The following PXK variants were observed in gnomAD, a reference collection of about 807,000 sequenced individuals.
PXK encodes the protein PX domain containing serine/threonine kinase like.
Under a neutral mutation model 84.7 loss-of-function variants are expected in PXK, and 35 were observed. The observed-to-expected ratio is 0.41, with a 90% confidence interval of 0.32 to 0.55. The LOEUF (loss-of-function observed/expected upper bound fraction) is 0.55, where lower values mean the gene tolerates loss of function less well. PXK is among the 20% of genes least tolerant of loss of function. The pLI is 0.21. For missense variants in PXK, 634 were observed against 699.7 expected, an observed-to-expected ratio of 0.91 and a Z score of 1.06; for synonymous variants, 253 against 260.8, an observed-to-expected ratio of 0.97 and a Z score of 0.29.
intron 1 of PXK, among the ~76,000 whole-genome samples, chr3:58,351,395 T>TTGTGTGTGTGTGTGTGTG (rs57349140): frequency 1.6e-4 from 22 of 140,686 alleles, no homozygotes; most frequent in Middle Eastern, 3.5e-3. Context: ...AGCTAGCTAT[T>TTGTGTGTGTGTGTGTGTG]TGTGTGTGTG....
At position 58,397,242 on chromosome 3, in the gene PXK, T is replaced by G. The variant is rs1576535457; in HGVS notation, c.984+42T>G. The G allele has an allele frequency of 1.3e-6, 2 of 1,591,076 alleles. No homozygotes were observed. The highest frequency in any genetic ancestry group is 1.1e-5 in the South Asian group (1 of 90,460). ...ATGAAATAGCAGGTTCATTTTTAGG[T>G]GTCAGTTATCCCCATGATCTGCCCA... On this transcript the variant is annotated intron_variant, in intron 10 of 17. Coordinates refer to ENST00000356151, the MANE Select transcript of PXK (RefSeq NM_017771.5). The surrounding 1 kb of genome is among the most constrained non-coding windows in gnomAD (Gnocchi z 4.7).
Position 58,401,794 on chromosome 3 carries a change from G to A in PXK, c.1182-2068G>A, listed in dbSNP as rs763940999. ...GCAAAAAAATTAGCCGAGCGTGGTG[G>A]CGGGCGTCTGTAGTCCCAGCTACCC... On this transcript the variant is annotated intron_variant, in intron 12 of 17. Coordinates refer to ENST00000356151, the MANE Select transcript of PXK (RefSeq NM_017771.5). This position sits in a 1 kb window ranked among gnomAD's most constrained non-coding sequence, Gnocchi z 4.4. Among the ~76,000 whole-genome samples, 1 of 151,938 alleles carries A rather than the reference G, an allele frequency of 6.6e-6. No individual in the cohort carries two copies. The highest frequency in any genetic ancestry group is 1.5e-5 in the Non-Finnish European group (1 of 68,004).
chr3:58,372,726 A>C (rs1257066585), intron 3 of PXK, among the ~76,000 whole-genome samples: 5 of 149,764 alleles, frequency 3.3e-5, no homozygotes, highest in Non-Finnish European at 3.0e-5. Context: ...TCTTGGGTTC[A>C]AGCAATTCTC....
In PXK at chr3:58,339,219, T is replaced by G. The variant is rs533514697; in HGVS notation, c.102+6129T>G. On this transcript the variant is annotated intron_variant, in intron 1 of 17. Transcript: ENST00000356151. ...TGTTGTTGTTGGGTTTTGTGGGGGG[T>G]TTTTTTTTGTTTTTTTTTGTTTTTT... 2.0e-4 allele frequency among the ~76,000 whole-genome samples: 23 copies of G among 116,018 alleles called. No individual in the cohort carries two copies. The South Asian group carries it at 2.3e-3, about 12-fold the overall frequency. 76.1% of individuals were successfully genotyped at this position (116,018 alleles called of 152,430 possible). A position where few individuals can be genotyped will look rare whatever the true frequency, so the allele number is the denominator to read the frequency against.
At chr3:58,342,353 C>CT (rs2097751745) in intron 1 of PXK, among the ~76,000 whole-genome samples, 1 of 149,530 alleles carries the variant, frequency 6.7e-6, no homozygotes. Flanking sequence ...GCCGGAAAAA[C>CT]TTTTTTAGGC....
chr3:58,344,897 C>T (rs988028870), intron 1 of PXK, among the ~76,000 whole-genome samples: 1 of 152,222 alleles, frequency 6.6e-6, no homozygotes, highest in South Asian at 2.1e-4. Context: ...CTCCCGGAGG[C>T]CAGACCTGAA....
intron 17 of PXK, chr3:58,422,799 C>CA: frequency 1.0e-6 from 1 of 985,428 alleles, no homozygotes; most frequent in Non-Finnish European, 1.2e-6. Context: ...GAGGGCTAGT[C>CA]AGTCTCTAGA....
intron 17 of PXK, 51 bp from the exon 18 acceptor site, chr3:58,424,690 AGCAGCGTGTGT>A: frequency 6.4e-7 from 1 of 1,567,474 alleles, no homozygotes; most frequent in African/African-American, 1.4e-5. Flanking sequence ...AGGACTGAGC[AGCAGCGTGTGT>A]GCAGGGCAGC....
At position 58,407,428 on chromosome 3, in the gene PXK, C is replaced by T. The variant is rs2059558949; in HGVS notation, c.1231-1496C>T. Among the ~76,000 whole-genome samples, 1 of 151,830 alleles carries T rather than the reference C, an allele frequency of 6.6e-6. No homozygotes were observed. The highest frequency in any genetic ancestry group is 2.4e-5 in the African/African-American group (1 of 41,330). On this transcript the variant is annotated intron_variant, in intron 13 of 17. Transcript: ENST00000356151. This position sits in a 1 kb window ranked among gnomAD's most constrained non-coding sequence, Gnocchi z 4.3. Reference sequence around the variant, plus strand: ...ATTTTGTTGTTGAGTTGTTGGAGTTCCTTTATATATTCTGGATATTAACCC... The same window carrying T: ...ATTTTGTTGTTGAGTTGTTGGAGTTTCTTTATATATTCTGGATATTAACCC...
intron 1 of PXK, among the ~76,000 whole-genome samples, chr3:58,336,520 G>A (rs1265361817): frequency 1.3e-5 from 2 of 152,128 alleles, no homozygotes; most frequent in Non-Finnish European, 2.9e-5. Context: ...GATGCTTTCA[G>A]GTTAGGTTTG....
chr3:58,406,929 GTA>G (rs2059499307), intron 13 of PXK, among the ~76,000 whole-genome samples: 1 of 152,150 alleles, frequency 6.6e-6, no homozygotes, highest in Non-Finnish European at 1.5e-5. Context: ...TCCATTGTAT[GTA>G]TATGCCACAC....
intron 3 of PXK, among the ~76,000 whole-genome samples, chr3:58,382,093 A>T (rs984705867): frequency 6.6e-6 from 1 of 152,188 alleles, no homozygotes; most frequent in Non-Finnish European, 1.5e-5. Context: ...AAGCTGGTGG[A>T]TCACTTGAGG....
intron 6 of PXK, among the ~76,000 whole-genome samples, chr3:58,391,516 T>C (rs2098631506): frequency 7.3e-6 from 1 of 136,790 alleles, no homozygotes; most frequent in African/African-American, 2.7e-5. Flanking sequence ...AAAAAAAAAA[T>C]ACTTGGGCAT....
chr3:58,344,667 A>G (rs1394729160), intron 1 of PXK, among the ~76,000 whole-genome samples: 1 of 152,190 alleles, frequency 6.6e-6, no homozygotes, highest in Non-Finnish European at 1.5e-5. Flanking sequence ...CTACTAAAAA[A>G]TACACAAATA....
In PXK at chr3:58,399,402, G is replaced by A. The variant is rs747470498; in HGVS notation, c.1181+25G>A. On this transcript the variant is annotated intron_variant, in intron 12 of 17. Coordinates refer to ENST00000356151, the MANE Select transcript of PXK (RefSeq NM_017771.5). This position sits in a 1 kb window ranked among gnomAD's most constrained non-coding sequence, Gnocchi z 4.3. ...CGTAAGTCAATCATATGCGTTGGTT[G>A]TAATCTTGATAACTATGTTGAACAC... is the stretch of plus-strand genomic sequence containing the variant. 6.3e-7 allele frequency: 1 copy of A among 1,591,704 alleles called. No individual in the cohort carries two copies. The highest frequency in any genetic ancestry group is 1.1e-5 in the South Asian group (1 of 90,298).
chr3:58,392,678 T>C (rs141519862), intron 7 of PXK, among the ~76,000 whole-genome samples: 3 of 139,240 alleles, frequency 2.2e-5, no homozygotes, highest in African/African-American at 5.2e-5. Context: ...TTTTTTTTTT[T>C]CAAGGTGGAG....
In PXK at chr3:58,395,778, T is replaced by A. The variant is rs1489799150; in HGVS notation, c.822+19T>A. 3 of 1,570,080 alleles carry A rather than the reference T, an allele frequency of 1.9e-6. No individual in the cohort carries two copies. Among genetic ancestry groups the A allele is most frequent in the Middle Eastern group, 1.7e-4 (1 of 5,962 alleles). ...ATTAGAGGTAAGAGGTACTTTTGTT[T>A]AAGTTGCATTCAGATTTCATCCAAA... is the stretch of plus-strand genomic sequence containing the variant. On this transcript the variant is annotated intron_variant, in intron 9 of 17. Transcript: ENST00000356151.
chr3:58,358,138 T>C (rs2098122655), intron 1 of PXK, among the ~76,000 whole-genome samples: 1 of 152,230 alleles, frequency 6.6e-6, no homozygotes, highest in Non-Finnish European at 1.5e-5. Flanking sequence ...CATGTAGTTA[T>C]CATTTCTTTG....
intron 3 of PXK, among the ~76,000 whole-genome samples, chr3:58,372,816 G>A (rs1226652272): frequency 6.6e-6 from 1 of 151,920 alleles, no homozygotes; most frequent in South Asian, 2.1e-4. Context: ...TAGTAGAGAC[G>A]GGGTTTCACT....
Sources: gnomAD v4.1 joint callset for allele counts (sites outside exome capture counted in the v4.1 genomes callset) on GRCh38, gnomAD v4.1.1 for gene constraint, Gnocchi (gnomAD v3.1) non-coding constraint, MANE v1.5 for transcripts, NCBI Gene and HGNC (gene_info 2026-07-23, HGNC 2026-07-21) for gene names.